CES2: variants seen among roughly 807,000 people sequenced by gnomAD.
CES2 encodes cocaine esterase.
A neutral mutation model predicts 52.1 loss-of-function variants in CES2; 42 were observed. The ratio of observed to expected loss-of-function variants is 0.81; its 90% confidence interval spans 0.63 to 1.04. CES2 has a LOEUF of 1.04. CES2 is among the 50% of genes least tolerant of loss of function. The pLI is 0.00. For synonymous variants in CES2, 277 were observed against 289.6 expected (o/e 0.96, Z 0.44); for missense variants, 656 against 724.3 (o/e 0.91, Z 1.08).
At chr16:66,940,178 T>G (rs200227138) in intron 3 of CES2, 44 bp from the exon 4 acceptor site, 1 of 1,606,774 alleles carries the variant, frequency 6.2e-7, no homozygotes, top group East Asian at 2.2e-5. Context: ...TGGTGGGGTT[T>G]GGGCTGGGTG....
chr16:66,935,695 T>G lies in CES2; in HGVS notation c.60T>G (p.Leu20=), dbSNP rs769437765. The G allele has an allele frequency of 1.3e-4, 208 of 1,600,740 alleles. No individual in the cohort carries two copies. The highest frequency in any genetic ancestry group is 1.6e-4 in the Non-Finnish European group (194 of 1,179,830). Residue 20 remains leucine (L), a synonymous_variant, in exon 1 of 12, where the codon CTT becomes CTG. Coordinates refer to ENST00000317091, the MANE Select transcript of CES2 (RefSeq NM_001365405.1). The stretch of plus-strand genomic sequence containing the variant: ...CGGTGGCCTGTGGGCTTCTGCTGCT[T>G]CTTGTCCGGGGCCAGGGTGAGGCTC... ...LSAVACGLLL[L]LVRGQGQDSA...
upstream of CES2, chr16:66,935,191 T>A: frequency 2.4e-6 from 1 of 419,392 alleles, no homozygotes; most frequent in Non-Finnish European, 4.3e-6. Context: ...CATTTCTCCA[T>A]CTGGGGGATC....
In CES2 at chr16:66,941,533, G is replaced by A. The variant is rs778335695; in HGVS notation, c.943G>A (p.Asp315Asn). 3.2e-5 allele frequency: 51 copies of A among 1,614,126 alleles called. No individual in the cohort carries two copies. Among genetic ancestry groups the A allele is most frequent in the Non-Finnish European group, 4.2e-5 (50 of 1,179,992 alleles). ...TTTCAAGATGATCCCCGGAGTGGTG[G>A]ATGGGGTCTTCCTGCCCAGGCACCC... is the stretch of plus-strand genomic sequence containing the variant. ...KPFKMIPGVV[D>N]GVFLPRHPQE... The change falls in exon 7 of 12, where the codon GAT (aspartate) becomes AAT (asparagine). Residue 315 changes from aspartate to asparagine, a missense_variant. Asp to Asn is a conservative substitution (Grantham distance 23). Coordinates refer to ENST00000317091, the MANE Select transcript of CES2 (RefSeq NM_001365405.1).
rs1405952528 is a variant in CES2, at chr16:66,938,108, G to A, written c.148G>A (p.Gly50Ser). 1 of 1,614,134 alleles carries A rather than the reference G, an allele frequency of 6.2e-7. No individual in the cohort carries two copies. The highest frequency in any genetic ancestry group is 8.5e-7 in the Non-Finnish European group (1 of 1,180,024). The change falls in exon 2 of 12, where the codon GGC becomes AGC. Residue 50 changes from glycine to serine, a missense_variant. Coordinates refer to ENST00000317091, the MANE Select transcript of CES2 (RefSeq NM_001365405.1). Reference sequence around the variant, plus strand: ...GCTGGGGAGTCTTGTCCATGTGAAGGGCGCCAATGCCGGGGTCCAAACCTT... The same window carrying A: ...GCTGGGGAGTCTTGTCCATGTGAAGAGCGCCAATGCCGGGGTCCAAACCTT... ...QVLGSLVHVK[G>S]ANAGVQTFLG...
rs144410046 is a variant in CES2 at position 66,938,111 on chromosome 16, G to A, written c.151G>A (p.Ala51Thr). ...VLGSLVHVKG[A>T]NAGVQTFLGI... ...GGGGAGTCTTGTCCATGTGAAGGGC[G>A]CCAATGCCGGGGTCCAAACCTTCCT... Residue 51 changes from alanine (A) to threonine (T), a missense_variant, in exon 2 of 12, where the codon GCC becomes ACC. Coordinates refer to ENST00000317091, the MANE Select transcript of CES2 (RefSeq NM_001365405.1). The A allele has an allele frequency of 3.1e-4, 506 of 1,614,126 alleles. 4 individuals carry two copies. The South Asian group carries it at 4.1e-3, about 13-fold the overall frequency.
rs1963417722 is a variant in CES2 at position 66,943,707 on chromosome 16, C to T, written c.1494-132C>T. The stretch of plus-strand genomic sequence containing the variant: ...GAGCTTATTTCCTGTTTCTGGAAGC[C>T]TCCCCACTCATTCCCCAAGCCCACC... On this transcript the variant is annotated intron_variant, in intron 11 of 11. Transcript: ENST00000317091. This position sits in a 1 kb window ranked among gnomAD's most constrained non-coding sequence, Gnocchi z 4.2. 1.4e-6 allele frequency: 1 copy of T among 702,142 alleles called. No individual in the cohort carries two copies. Among genetic ancestry groups the T allele is most frequent in the South Asian group, 2.1e-5 (1 of 47,190 alleles). 43.5% of individuals were successfully genotyped at this position (702,142 alleles called of 1,614,324 possible). A position where few individuals can be genotyped will look rare whatever the true frequency, so the allele number is the denominator to read the frequency against.
At chr16:66,942,010 C>T (rs1963378293) in intron 8 of CES2, 95 bp from the exon 9 acceptor site, 6 of 1,525,942 alleles carry the variant, frequency 3.9e-6, no homozygotes, top group African/African-American at 1.4e-5. Context: ...CTCGCCTTTG[C>T]TCCCCCTTCC....
At chr16:66,937,825 G>T (rs1356839582) in intron 1 of CES2, among the ~76,000 whole-genome samples, 1 of 152,176 alleles carries the variant, frequency 6.6e-6, no homozygotes, top group African/African-American at 2.4e-5. Flanking sequence ...ATGATGCCTG[G>T]CCCCAAGGAG....
intron 6 of CES2, 64 bp from the exon 7 acceptor site, chr16:66,941,442 C>G: frequency 6.3e-7 from 1 of 1,589,598 alleles, no homozygotes; most frequent in South Asian, 1.1e-5. Flanking sequence ...GTGGAAGGTA[C>G]TCAGAGGGCA....
At position 66,935,544 on chromosome 16, in the gene CES2, A is replaced by C; in HGVS notation, c.-92A>C. 6.2e-7 allele frequency: 1 copy of C among 1,614,114 alleles called. No individual in the cohort carries two copies. The highest frequency in any genetic ancestry group is 2.2e-5 in the East Asian group (1 of 44,872). The stretch of plus-strand genomic sequence containing the variant: ...CCAGTCCAAACTCCAAGGCTGGGCA[A>C]GGCACTGATCCACTGCTGGACAGAC... On this transcript the variant is annotated 5_prime_UTR_variant, in exon 1 of 12. Transcript: ENST00000317091.
rs780077659 is a variant in CES2 at position 66,943,812 on chromosome 16, T to C, written c.1494-27T>C. 1 of 1,558,418 alleles carries C rather than the reference T, an allele frequency of 6.4e-7. No homozygotes were observed. The highest frequency in any genetic ancestry group is 8.7e-7 in the Non-Finnish European group (1 of 1,143,610). On this transcript the variant is annotated intron_variant, in intron 11 of 11. Transcript: ENST00000317091. This position sits in a 1 kb window ranked among gnomAD's most constrained non-coding sequence, Gnocchi z 4.2. ...CGGGGGCCCAGAGTGACCCTCATAC[T>C]GCCCTGCTGGGATGGCATGTCTACA...
Position 66,940,656 on chromosome 16 carries a change from G to T in CES2, c.777G>T (p.Leu259=). The T allele has an allele frequency of 6.2e-7, 1 of 1,614,188 alleles. No homozygotes were observed. The highest frequency in any genetic ancestry group is 1.3e-5 in the African/African-American group (1 of 75,056). ...TCATGGAGAGTGGCGTGGCCCTCCT[G>T]CCCGGCCTCATTGCCAGCTCAGCTG... is the stretch of plus-strand genomic sequence containing the variant. The part of the protein sequence containing the change: ...GAIMESGVAL[L]PGLIASSADV... Residue 259 remains leucine (L), a synonymous_variant, in exon 5 of 12, where the codon CTG becomes CTT. Coordinates refer to ENST00000317091, the MANE Select transcript of CES2 (RefSeq NM_001365405.1).
At chr16:66,941,093 A>T in intron 5 of CES2, 31 bp from the exon 6 acceptor site, 1 of 1,612,858 alleles carries the variant, frequency 6.2e-7, no homozygotes, top group Non-Finnish European at 8.5e-7. Flanking sequence ...ACCTGGAAGG[A>T]TGAGCCAGCC....
intron 5 of CES2, 26 bp from the exon 6 acceptor site, chr16:66,941,098 C>T (rs773919897): frequency 3.1e-6 from 5 of 1,612,854 alleles, no homozygotes; most frequent in Non-Finnish European, 4.2e-6. Context: ...GAAGGATGAG[C>T]CAGCCCCTGC....
At chr16:66,936,642 C>A (rs1963223252) in intron 1 of CES2, among the ~76,000 whole-genome samples, 1 of 152,208 alleles carries the variant, frequency 6.6e-6, no homozygotes, top group Non-Finnish European at 1.5e-5. Flanking sequence ...CCAGGCTTCT[C>A]CAGGCCCTTA....
chr16:66,935,340 A>G (rs760552966), upstream of CES2: 8 of 1,250,970 alleles, frequency 6.4e-6, no homozygotes, highest in East Asian at 1.4e-4. Flanking sequence ...GGATCGCGGA[A>G]GGGCTGCAGG....
In CES2 at chr16:66,943,998, G is replaced by C. The variant is rs571336812; in HGVS notation, c.1653G>C (p.Glu551Asp). ...CCCAAAAGATCCAGGAGCTCGAGGAGCCTGAAGAGAGACACACAGAGCTGT... is the reference window on the plus strand; with the variant it reads ...CCCAAAAGATCCAGGAGCTCGAGGACCCTGAAGAGAGACACACAGAGCTGT... ...ALPQKIQELE[E>D]PEERHTEL Residue 551 changes from glutamate to aspartate, a missense_variant, in exon 12 of 12, where the codon GAG (glutamate) becomes GAC (aspartate). Glu to Asp is a conservative substitution (Grantham distance 45). Transcript: ENST00000317091. This position sits in a 1 kb window ranked among gnomAD's most constrained non-coding sequence, Gnocchi z 4.2. 4.5e-6 allele frequency: 7 copies of C among 1,570,008 alleles called. No homozygotes were observed. In the African/African-American group the frequency reaches 9.5e-5, roughly 21 times the overall value.
At position 66,943,500 on chromosome 16, in the gene CES2, T is replaced by A. The variant is rs1396039412; in HGVS notation, c.1493+129T>A. The A allele has an allele frequency of 9.6e-6, 9 of 940,970 alleles. No homozygotes were observed. The highest frequency in any genetic ancestry group is 1.5e-5 in the Non-Finnish European group (9 of 610,480). The allele number at this position is 940,970 out of a possible 1,614,324, so 58.3% of individuals were successfully genotyped here. The stretch of plus-strand genomic sequence containing the variant: ...ATCACATGATGGCCCCTTCCCCAGC[T>A]CCGGGACCCACTCAGACAGGGTGGG... On this transcript the variant is annotated intron_variant, in intron 11 of 11. Transcript: ENST00000317091. This position sits in a 1 kb window ranked among gnomAD's most constrained non-coding sequence, Gnocchi z 4.2.
upstream of CES2, chr16:66,934,844 T>A (rs1963160828): frequency 6.1e-6 from 1 of 163,908 alleles, no homozygotes; most frequent in Admixed American, 6.2e-5. This position sits in a 1 kb window ranked among gnomAD's most constrained non-coding sequence, Gnocchi z 4.1. Context: ...TCCCCACAGC[T>A]TGGACCGGCA....
Sources: allele counts gnomAD v4.1 joint callset (sites outside exome capture counted in the v4.1 genomes callset), GRCh38; gene constraint gnomAD v4.1.1; non-coding constraint Gnocchi (gnomAD v3.1); transcripts MANE v1.5; gene names NCBI Gene and HGNC (gene_info 2026-07-23, HGNC 2026-07-21).